The following PLEKHA6 variants were observed in gnomAD, a reference collection of about 807,000 sequenced individuals.
PLEKHA6 encodes pleckstrin homology domain-containing family A member 6.
PLEKHA6 carries 60 observed loss-of-function variants against 116.7 expected under a neutral mutation model. The ratio of observed to expected loss-of-function variants is 0.51; its 90% CI spans 0.42 to 0.64. PLEKHA6 has a LOEUF of 0.64. PLEKHA6 is among the 30% of genes least tolerant of loss of function. The pLI is 0.00. For synonymous variants in PLEKHA6, 489 were observed against 556.1 expected (o/e 0.88, Z 1.70); for missense variants, 1,338 against 1,422.7 (o/e 0.94, Z 0.96).
intron 17 of PLEKHA6, among the ~76,000 whole-genome samples, chr1:204,234,979 T>TAACTAATAGC (rs1285697716): frequency 1.3e-4 from 2 of 15,232 alleles, no homozygotes; most frequent in African/African-American, 9.9e-4. Context: ...TATATATATA[T>TAACTAATAGC]ATATATATAT....
rs537479032 is a variant in PLEKHA6, at chr1:204,304,779, C to T, written c.-94-29970G>A. Among the ~76,000 whole-genome samples the T allele has an allele frequency of 9.9e-5, 15 of 152,244 alleles. No individual in the cohort carries two copies. In the South Asian group the frequency reaches 2.3e-3, roughly 23 times the overall value. ...CCTAAAAATTAAGAGAAAGATCCTA[C>T]GCTTTTGGGATTCAGACCTTCTAGA... On this transcript the variant is annotated intron_variant, in intron 1 of 22. Transcript: ENST00000272203.
chr1:204,269,797 C>T (rs1232636058), intron 3 of PLEKHA6, among the ~76,000 whole-genome samples: 1 of 152,120 alleles, frequency 6.6e-6, no homozygotes, highest in Non-Finnish European at 1.5e-5. Context: ...CTCCACCGAT[C>T]ATCTCCTCTC....
chr1:204,264,627 A>G (rs1666547227), intron 6 of PLEKHA6, among the ~76,000 whole-genome samples: 2 of 152,176 alleles, frequency 1.3e-5, no homozygotes, highest in African/African-American at 2.4e-5. Flanking sequence ...GACTAAGAAC[A>G]TAACTATTCC....
intron 3 of PLEKHA6, among the ~76,000 whole-genome samples, chr1:204,273,370 G>A (rs188953482): frequency 1.2e-4 from 18 of 152,282 alleles, no homozygotes; most frequent in Admixed American, 2.6e-4. Flanking sequence ...CTCATAGCAC[G>A]ATGAATCATC....
chr1:204,318,715 G>T (rs1257722883), intron 1 of PLEKHA6, among the ~76,000 whole-genome samples: 1 of 152,168 alleles, frequency 6.6e-6, no homozygotes, highest in African/African-American at 2.4e-5. Flanking sequence ...TGGTTAACAG[G>T]CTCATAGCAT....
chr1:204,236,313 T>C (rs1007754208), intron 17 of PLEKHA6, among the ~76,000 whole-genome samples: 4 of 152,180 alleles, frequency 2.6e-5, no homozygotes, highest in African/African-American at 9.7e-5. Flanking sequence ...ATGCCTGATC[T>C]CCCTTGGTTT....
chr1:204,255,780 C>T, intron 9 of PLEKHA6: 4 of 680,728 alleles, frequency 5.9e-6, no homozygotes, highest in East Asian at 2.7e-5. Context: ...TAAGAGTTAG[C>T]GACAAGGACA....
intron 1 of PLEKHA6, among the ~76,000 whole-genome samples, chr1:204,326,271 A>G (rs1572183790): frequency 6.6e-6 from 1 of 151,922 alleles, no homozygotes; most frequent in Non-Finnish European, 1.5e-5. Context: ...TCTCCCTTAG[A>G]CCCAACCAGC....
At chr1:204,331,364 G>A (rs1672442991) in intron 1 of PLEKHA6, among the ~76,000 whole-genome samples, 1 of 152,146 alleles carries the variant, frequency 6.6e-6, no homozygotes, top group African/African-American at 2.4e-5. Context: ...GAACACAGAA[G>A]AGCTAAGCAC....
At chr1:204,290,988 C>CAAA (rs34983026) in intron 1 of PLEKHA6, among the ~76,000 whole-genome samples, 66 of 113,270 alleles carry the variant, frequency 5.8e-4, no homozygotes, top group African/African-American at 2.2e-3. Context: ...GACCCTGTCT[C>CAAA]AAAAAAAAAA....
At chr1:204,251,584 T>C (rs997308670) in intron 9 of PLEKHA6, 36 of 702,810 alleles carry the variant, frequency 5.1e-5, no homozygotes, top group Non-Finnish European at 9.1e-5. Context: ...CGGTTCACCA[T>C]ACTGATGAGA....
intron 14 of PLEKHA6, among the ~76,000 whole-genome samples, 189 bp downstream of exon 14, chr1:204,245,426 T>G (rs1663506435): frequency 6.6e-6 from 1 of 152,000 alleles, no homozygotes; most frequent in Non-Finnish European, 1.5e-5. Flanking sequence ...GTTTATTTGG[T>G]CTATTCTGTG....
intron 1 of PLEKHA6, chr1:204,326,876 T>A: frequency 1.9e-6 from 1 of 536,288 alleles, no homozygotes; most frequent in Non-Finnish European, 2.4e-6. Context: ...TTAGACTAGC[T>A]CCCTCCTTCC....
In PLEKHA6 at chr1:204,228,176, C is replaced by T. The variant is rs539578789; in HGVS notation, c.2938G>A (p.Asp980Asn). 10 of 1,613,170 alleles carry T rather than the reference C, an allele frequency of 6.2e-6. No homozygotes were observed. In the East Asian group the frequency reaches 2.2e-4, roughly 36 times the overall value. The change falls in exon 21 of 23, where the codon GAC (aspartate) becomes AAC (asparagine). Residue 980 changes from aspartate (D) to asparagine (N), a missense_variant. This residue lies in a region of PLEKHA6 where 1,136 missense variants were observed against 1,163.6 expected (regional missense o/e 0.98). Transcript: ENST00000272203. This position sits in a 1 kb window ranked among gnomAD's most constrained non-coding sequence, Gnocchi z 4.0. ...TGCTCCTGCAGCTGGCTCTCTGAGT[C>T]CTGGGGCACGTCCACAGAGTCCCCC... The part of the protein sequence containing the change: ...GEGDSVDVPQ[D>N]SESQLQEQEK...
chr1:204,307,456 G>C (rs1043247346), intron 1 of PLEKHA6: 2 of 152,290 alleles, frequency 1.3e-5, no homozygotes, highest in Non-Finnish European at 2.9e-5. Flanking sequence ...CCCATGAGAA[G>C]GAAGGAGACA....
At chr1:204,225,677 C>T (rs55671537) in intron 21 of PLEKHA6, among the ~76,000 whole-genome samples, 9,886 of 152,258 alleles carry the variant, frequency 0.065, 1,076 homozygotes, top group African/African-American at 0.23. Context: ...CATACATGTA[C>T]ATTTATGCTC....
intron 2 of PLEKHA6, among the ~76,000 whole-genome samples, chr1:204,371,051 C>T (rs933884641): frequency 8.1e-6 from 1 of 123,232 alleles, no homozygotes; most frequent in Non-Finnish European, 1.6e-5. Context: ...AAGACTCTGC[C>T]TCAAAAAAAA....
chr1:204,299,865 C>T (rs4951355), intron 1 of PLEKHA6, among the ~76,000 whole-genome samples: 149,206 of 152,214 alleles, frequency 0.98, 73,128 homozygotes, highest in East Asian at 1. Context: ...ATGGGTGTCT[C>T]CCTAGTGAAG....
chr1:204,297,967 G>A (rs1670449707), intron 1 of PLEKHA6: 1 of 884,368 alleles, frequency 1.1e-6, no homozygotes, highest in South Asian at 5.2e-5. Context: ...CCATTGACTT[G>A]CCTGAACCTC....
Sources: gnomAD v4.1 joint callset for allele counts (sites outside exome capture counted in the v4.1 genomes callset) on GRCh38, gnomAD v4.1.1 for gene constraint, gnomAD v4.1.1 regional missense constraint, Gnocchi (gnomAD v3.1) non-coding constraint, MANE v1.5 for transcripts, NCBI Gene and HGNC (gene_info 2026-07-23, HGNC 2026-07-21) for gene names.